DPP6: variants seen among roughly 807,000 people sequenced by gnomAD.
The protein encoded by DPP6 is dipeptidyl peptidase like 6, also known as A-type potassium channel modulatory protein DPP6.
Under a neutral mutation model 122.6 loss-of-function variants are expected in DPP6, and 69 were observed. The ratio of observed to expected loss-of-function variants is 0.56; its 90% CI spans 0.46 to 0.69. The LOEUF (loss-of-function observed/expected upper bound fraction) is 0.69, where lower values mean the gene tolerates loss of function less well. Ranked by LOEUF, DPP6 falls within the 30% of genes least tolerant of loss-of-function variation. The pLI, the probability that DPP6 is intolerant of heterozygous loss-of-function variation, is 0.00. For missense variants in DPP6, 928 were observed against 1,116.9 expected, an observed-to-expected ratio of 0.83 and a Z score of 2.41; for synonymous variants, 418 against 433.1, an observed-to-expected ratio of 0.97 and a Z score of 0.43.
At chr7:154,518,335 G>A (rs1826696939) in intron 3 of DPP6, among the ~76,000 whole-genome samples, 1 of 152,114 alleles carries the variant, frequency 6.6e-6, no homozygotes, top group Non-Finnish European at 1.5e-5. Context: ...ATAAACACTT[G>A]TTCCAAATAC....
chr7:154,883,049 ATGCTC>A (rs1805535631), intron 21 of DPP6, among the ~76,000 whole-genome samples: 1 of 149,858 alleles, frequency 6.7e-6, no homozygotes, highest in African/African-American at 2.5e-5. Context: ...TCACACACAC[ATGCTC>A]ACACATTCAC....
At chr7:154,698,214 T>C (rs937012) in intron 7 of DPP6, among the ~76,000 whole-genome samples, 131,991 of 152,146 alleles carry the variant, frequency 0.87, 58,298 homozygotes, top group South Asian at 0.98. Flanking sequence ...ATTGTTAACA[T>C]AATTTTCATA....
At chr7:154,209,603 A>G (rs1348350612) in intron 1 of DPP6, among the ~76,000 whole-genome samples, 1 of 152,108 alleles carries the variant, frequency 6.6e-6, no homozygotes, top group African/African-American at 2.4e-5. Context: ...AGTGATACCA[A>G]GCGTACCTAG....
At chr7:154,134,636 T>C (rs1443415258) in intron 1 of DPP6, among the ~76,000 whole-genome samples, 1 of 152,156 alleles carries the variant, frequency 6.6e-6, no homozygotes, top group Non-Finnish European at 1.5e-5. Context: ...TGGCCCTGCA[T>C]GCTTCCTCTG....
chr7:153,803,436 A>G, the DPP6 span, among the ~76,000 whole-genome samples: 9 of 143,008 alleles, frequency 6.3e-5, no homozygotes, highest in Admixed American at 3.4e-4. Context: ...GGCAGAGGAA[A>G]GAATTCACCC....
chr7:154,021,137 C>T (rs371861156), intron 1 of DPP6, among the ~76,000 whole-genome samples: 52 of 152,276 alleles, frequency 3.4e-4, no homozygotes, highest in African/African-American at 1.1e-3. Flanking sequence ...CCATCATCAG[C>T]GGTGCCAACG....
chr7:154,541,245 C>G (rs58010240), intron 4 of DPP6, among the ~76,000 whole-genome samples: 4,974 of 152,248 alleles, frequency 0.033, 275 homozygotes, highest in African/African-American at 0.11. Context: ...ATCCTCCCAC[C>G]TCAGCCTCCT....
intron 4 of DPP6, among the ~76,000 whole-genome samples, chr7:154,560,075 T>G (rs972335788): frequency 2.0e-5 from 3 of 151,576 alleles, no homozygotes; most frequent in African/African-American, 7.3e-5. Context: ...TTAAGGGAAG[T>G]TCTTTGGAGT....
At chr7:153,891,428 C>G (rs912111992) in intron 1 of DPP6, among the ~76,000 whole-genome samples, 1 of 151,770 alleles carries the variant, frequency 6.6e-6, no homozygotes, top group Non-Finnish European at 1.5e-5. Context: ...ATTTAATATA[C>G]TAAGAGATAA....
At chr7:154,667,690 C>G (rs546036728) in intron 6 of DPP6, among the ~76,000 whole-genome samples, 2 of 152,258 alleles carry the variant, frequency 1.3e-5, no homozygotes, top group African/African-American at 4.8e-5. Flanking sequence ...CCACTGCACT[C>G]CAGCCTGAGC....
At chr7:153,882,656 A>G (rs1798785870), upstream of DPP6, among the ~76,000 whole-genome samples, 1 of 152,230 alleles carries the variant, frequency 6.6e-6, no homozygotes, top group Non-Finnish European at 1.5e-5. Flanking sequence ...CAATGGCTGC[A>G]TTGTGATAGG....
intron 1 of DPP6, among the ~76,000 whole-genome samples, chr7:154,069,419 A>C (rs1802961056): frequency 6.8e-6 from 1 of 148,000 alleles, no homozygotes; most frequent in Non-Finnish European, 1.5e-5. Context: ...TTCAAGAGTT[A>C]AACTGTGGAC....
intron 1 of DPP6, among the ~76,000 whole-genome samples, chr7:154,090,540 C>T (rs1804731116): frequency 6.6e-6 from 1 of 152,050 alleles, no homozygotes; most frequent in Non-Finnish European, 1.5e-5. Context: ...AAATACAGAC[C>T]CCTTGTGTAT....
intron 3 of DPP6, among the ~76,000 whole-genome samples, chr7:154,529,843 AG>A (rs1268988312): frequency 1.3e-5 from 2 of 152,232 alleles, no homozygotes; most frequent in Non-Finnish European, 2.9e-5. Flanking sequence ...ATCCAAGGTG[AG>A]GCTGGGAGTG....
intron 1 of DPP6, among the ~76,000 whole-genome samples, chr7:154,376,826 A>G (rs1813168124): frequency 6.6e-6 from 1 of 152,196 alleles, no homozygotes; most frequent in South Asian, 2.1e-4. Context: ...GTATGAGGTA[A>G]TTTGGCTCCT....
Position 154,853,837 on chromosome 7 carries a change from CTT to C in DPP6, c.1714+17_1714+18del. 6.2e-7 allele frequency: 1 copy of C among 1,612,516 alleles called. No homozygotes were observed. On this transcript the variant is annotated intron_variant, in intron 17 of 25. Coordinates refer to ENST00000377770, the MANE Select transcript of DPP6 (RefSeq NM_130797.4). ...ACAACAGATAAGAAAAGTAAGTGCTCTTTTTTTTCCTTAAATCTTCCTGAGAC... is the reference window on the plus strand; with the variant it reads ...ACAACAGATAAGAAAAGTAAGTGCTCTTTTTTCCTTAAATCTTCCTGAGAC...
At chr7:154,861,262 T>C (rs1236682861) in intron 17 of DPP6, among the ~76,000 whole-genome samples, 1 of 152,208 alleles carries the variant, frequency 6.6e-6, no homozygotes, top group Non-Finnish European at 1.5e-5. Context: ...TTTTGAAAAA[T>C]CATGTTTCCC....
intron 1 of DPP6, among the ~76,000 whole-genome samples, chr7:154,393,400 T>A (rs17174399): frequency 0.09 from 13,670 of 152,222 alleles, 706 homozygotes; most frequent in East Asian, 0.13. Context: ...TGTTTATGAC[T>A]TTTCTTTAAG....
chr7:153,874,539 C>A, the DPP6 span, among the ~76,000 whole-genome samples: 2 of 152,090 alleles, frequency 1.3e-5, no homozygotes, highest in African/African-American at 4.8e-5. Context: ...CTGTGCCCAG[C>A]TAATTTTTGT....
Sources: gnomAD v4.1 joint callset for allele counts (sites outside exome capture counted in the v4.1 genomes callset) on GRCh38, gnomAD v4.1.1 for gene constraint, MANE v1.5 for transcripts, NCBI Gene and HGNC (gene_info 2026-07-23, HGNC 2026-07-21) for gene names.